The following WWC2 variants were observed in gnomAD, a reference collection of about 807,000 sequenced individuals.
The protein encoded by WWC2 is protein WWC2.
In WWC2, 101 loss-of-function variants were observed where a neutral mutation model predicts 138.5. The ratio of observed to expected loss-of-function variants is 0.73; its 90% CI spans 0.62 to 0.86. WWC2 has a LOEUF of 0.86. WWC2 is among the 40% of genes least tolerant of loss of function. WWC2 has a pLI of 0.00. For synonymous variants in WWC2, 558 were observed against 538.4 expected (o/e 1.04, Z -0.50); for missense variants, 1,420 against 1,419.4 (o/e 1.00, Z -0.01).
At chr4:183,178,557 T>C (rs758479409) in intron 1 of WWC2, among the ~76,000 whole-genome samples, 2 of 149,790 alleles carry the variant, frequency 1.3e-5, no homozygotes, top group Non-Finnish European at 3.0e-5. Context: ...ACCCCTGAAG[T>C]CTTGCTGTGC....
chr4:183,307,180 G>A (rs774199312), intron 21 of WWC2, among the ~76,000 whole-genome samples: 4 of 152,150 alleles, frequency 2.6e-5, no homozygotes, highest in East Asian at 3.8e-4. Context: ...AGTAACAAAC[G>A]TAGCTGGAAA....
intron 18 of WWC2, among the ~76,000 whole-genome samples, chr4:183,283,445 A>T (rs1005189536): frequency 6.6e-6 from 1 of 152,118 alleles, no homozygotes; most frequent in African/African-American, 2.4e-5. Context: ...TTCAAGCTTC[A>T]TGGATGCTCA....
chr4:183,192,465 A>G (rs1735017130), intron 1 of WWC2, among the ~76,000 whole-genome samples: 2 of 152,202 alleles, frequency 1.3e-5, no homozygotes, highest in Non-Finnish European at 2.9e-5. Flanking sequence ...TGCTATAGGA[A>G]GGTTGAAAGA....
chr4:183,253,617 C>T lies in WWC2; in HGVS notation c.954-140C>T, dbSNP rs1486261422. ...TGCTGCTCCCACTCCGGCCTCTCAC[C>T]AGTAGACCACACCTCTTTCTGGTAA... On this transcript the variant is annotated intron_variant, in intron 8 of 22. Coordinates refer to ENST00000403733, the MANE Select transcript of WWC2 (RefSeq NM_024949.6). The T allele has an allele frequency of 4.0e-6, 4 of 998,832 alleles. No individual in the cohort carries two copies. In the African/African-American group the frequency reaches 4.9e-5, roughly 12 times the overall value. 61.9% of individuals were successfully genotyped at this position (998,832 alleles called of 1,614,324 possible).
chr4:183,185,940 C>T (rs1734782661), intron 1 of WWC2, among the ~76,000 whole-genome samples: 2 of 149,022 alleles, frequency 1.3e-5, no homozygotes, highest in South Asian at 4.3e-4. Flanking sequence ...TGACCTTTAA[C>T]ATAGATTTTT....
chr4:183,149,240 C>A (rs1004273186), intron 1 of WWC2, among the ~76,000 whole-genome samples: 1 of 152,164 alleles, frequency 6.6e-6, no homozygotes, highest in Non-Finnish European at 1.5e-5. Context: ...TTATCCTGAC[C>A]TTTATGGCAA....
At position 183,180,502 on chromosome 4, in the gene WWC2, T is replaced by C. The variant is rs1032102075; in HGVS notation, c.132-13097T>C. Among the ~76,000 whole-genome samples the C allele has an allele frequency of 2.0e-5, 3 of 152,152 alleles. No individual in the cohort carries two copies. In the East Asian group the frequency reaches 5.8e-4, roughly 29 times the overall value. ...CTTGAAGTCTATTTTATTTTATTTA[T>C]TTTTTGCCTCTCAAAAGCTAGACTG... On this transcript the variant is annotated intron_variant, in intron 1 of 22. Transcript: ENST00000403733.
chr4:183,280,927 A>C (rs1233921103), intron 17 of WWC2, 30 bp downstream of exon 17: 1 of 1,540,962 alleles, frequency 6.5e-7, no homozygotes, highest in African/African-American at 1.4e-5. Flanking sequence ...TGCTGTTGGG[A>C]GCTCAAAGAT....
chr4:183,284,325 A>C lies in WWC2; in HGVS notation c.2983A>C (p.Arg995=). The change falls in exon 19 of 23, where the codon AGG becomes CGG. Residue 995 remains arginine (R), a synonymous_variant. Transcript: ENST00000403733. The stretch of plus-strand genomic sequence containing the variant: ...GAGCTCTAGACAGCATCCGTTTGTG[A>C]GGAGCAGTGTGATAGTGCGCTCACA... The part of the protein sequence containing the change: ...SLSSRQHPFV[R]SSVIVRSQTF... The C allele has an allele frequency of 2.5e-6, 4 of 1,613,978 alleles. No individual in the cohort carries two copies. Among genetic ancestry groups the C allele is most frequent in the Non-Finnish European group, 3.4e-6 (4 of 1,179,892 alleles).
rs754333665 is a variant in WWC2 at position 183,284,223 on chromosome 4, T to C, written c.2884-3T>C. ...CCTGACAAATTGTTAACTTCTCTTA[T>C]AGGTTGACAAAGAGACAAACACTGA... is the stretch of plus-strand genomic sequence containing the variant. On this transcript the variant is annotated splice_region_variant and splice_polypyrimidine_tract_variant and intron_variant, in intron 18 of 22. Transcript: ENST00000403733. 5.0e-6 allele frequency: 8 copies of C among 1,613,208 alleles called. No individual in the cohort carries two copies. Among genetic ancestry groups the C allele is most frequent in the East Asian group, 2.2e-5 (1 of 44,854 alleles).
At chr4:183,176,901 A>G (rs1426704993) in intron 1 of WWC2, among the ~76,000 whole-genome samples, 4 of 152,106 alleles carry the variant, frequency 2.6e-5, no homozygotes, top group Admixed American at 6.5e-5. Context: ...GAGTTTTTCA[A>G]TACTGCAAAA....
rs532334635 is a variant in WWC2, at chr4:183,207,309, T to C, written c.242-644T>C. On this transcript the variant is annotated intron_variant, in intron 2 of 22. Coordinates refer to ENST00000403733, the MANE Select transcript of WWC2 (RefSeq NM_024949.6). ...CAGGACCAGGGTTCTGTTTGTTTGTTTATTTTTAAATTTCAGATCCACTGC... is the reference window on the plus strand; with the variant it reads ...CAGGACCAGGGTTCTGTTTGTTTGTCTATTTTTAAATTTCAGATCCACTGC... Among the ~76,000 whole-genome samples, 8 of 152,294 alleles carry C rather than the reference T, an allele frequency of 5.3e-5. No homozygotes were observed. In the East Asian group the frequency reaches 1.5e-3, roughly 29 times the overall value.
intron 4 of WWC2, among the ~76,000 whole-genome samples, chr4:183,235,531 A>G (rs1304976999): frequency 6.6e-6 from 1 of 152,066 alleles, no homozygotes; most frequent in Non-Finnish European, 1.5e-5. Context: ...GGCAACCACC[A>G]TTTTGCTTCT....
chr4:183,154,883 C>T (rs1459817182), intron 1 of WWC2, among the ~76,000 whole-genome samples: 5 of 152,328 alleles, frequency 3.3e-5, no homozygotes, highest in African/African-American at 1.2e-4. Context: ...TCTGGCCCCT[C>T]TCTCAGACCG....
At chr4:183,109,507 CTG>C (rs1732158044) in intron 1 of WWC2, among the ~76,000 whole-genome samples, 1 of 152,164 alleles carries the variant, frequency 6.6e-6, no homozygotes, top group Non-Finnish European at 1.5e-5. Flanking sequence ...CAGGCTGAAA[CTG>C]TTGGATCTCA....
intron 1 of WWC2, among the ~76,000 whole-genome samples, chr4:183,175,026 C>T (rs980135579): frequency 4.0e-5 from 6 of 151,878 alleles, no homozygotes; most frequent in African/African-American, 1.5e-4. Context: ...TCTATATTTT[C>T]TCTCTTGCTG....
chr4:183,188,618 A>ATCTCTCTCTC (rs539084926), intron 1 of WWC2, among the ~76,000 whole-genome samples: 3 of 138,784 alleles, frequency 2.2e-5, no homozygotes, highest in African/African-American at 8.0e-5. Context: ...ATCTAATATG[A>ATCTCTCTCTC]TCTCTCTCTC....
chr4:183,258,396 A>G (rs1560871103), intron 9 of WWC2, among the ~76,000 whole-genome samples: 1 of 152,230 alleles, frequency 6.6e-6, no homozygotes, highest in African/African-American at 2.4e-5. Context: ...TTAGTTTAAC[A>G]TATAATGGAA....
intron 1 of WWC2, among the ~76,000 whole-genome samples, chr4:183,129,335 C>A (rs1310305021): frequency 6.6e-6 from 1 of 152,112 alleles, no homozygotes; most frequent in Non-Finnish European, 1.5e-5. Context: ...CAAACCAGGG[C>A]TCTTTGAGAC....
Sources: gnomAD v4.1 joint callset for allele counts (sites outside exome capture counted in the v4.1 genomes callset) on GRCh38, gnomAD v4.1.1 for gene constraint, MANE v1.5 for transcripts, NCBI Gene and HGNC (gene_info 2026-07-23, HGNC 2026-07-21) for gene names.